GPHN: variants seen among roughly 807,000 people sequenced by gnomAD.
GPHN encodes the protein gephyrin.
In GPHN, 17 loss-of-function variants were observed where a neutral mutation model predicts 95.5. That is an observed-to-expected ratio of 0.18 (90% CI 0.12 to 0.27). The LOEUF is 0.27. Among genes scored for constraint, GPHN ranks in the 10% least tolerant of loss-of-function variants. The pLI is 1.00. For synonymous variants in GPHN, 320 were observed against 322.5 expected (o/e 0.99, Z 0.08); for missense variants, 660 against 978.1 (o/e 0.67, Z 4.34).
the GPHN span, among the ~76,000 whole-genome samples, chr14:67,437,290 G>A: frequency 1.3e-5 from 2 of 152,182 alleles, no homozygotes; most frequent in African/African-American, 4.8e-5. Context: ...AGTGAGCAAA[G>A]TCACAAAATG....
chr14:66,583,927 T>G (rs1358983858), intron 1 of GPHN, among the ~76,000 whole-genome samples: 3 of 151,970 alleles, frequency 2.0e-5, no homozygotes, highest in Non-Finnish European at 4.4e-5. Context: ...GTGAAGAAAG[T>G]CATTGGTAGC....
the GPHN span, among the ~76,000 whole-genome samples, chr14:67,554,243 C>T: frequency 6.6e-6 from 1 of 152,066 alleles, no homozygotes; most frequent in Non-Finnish European, 1.5e-5. Flanking sequence ...GGGTCCTGCT[C>T]ATCTACCTTT....
chr14:66,922,637 T>A (rs745850208), intron 6 of GPHN, 29 bp from the exon 7 acceptor site: 2 of 1,573,696 alleles, frequency 1.3e-6, no homozygotes, highest in Admixed American at 3.6e-5. Context: ...TGCTTCATCT[T>A]AATTTTTTTT....
chr14:67,305,501 G>A, the GPHN span, among the ~76,000 whole-genome samples: 5 of 152,122 alleles, frequency 3.3e-5, no homozygotes, highest in African/African-American at 9.7e-5. Context: ...GGCTAGTCTC[G>A]AACTCCTGAG....
chr14:67,626,915 C>T, the GPHN span, among the ~76,000 whole-genome samples: 1 of 152,118 alleles, frequency 6.6e-6, no homozygotes, highest in African/African-American at 2.4e-5. Context: ...CTAATTTATG[C>T]TACAACATGG....
the GPHN span, chr14:67,473,135 C>T: frequency 2.2e-6 from 1 of 452,284 alleles, no homozygotes; most frequent in Non-Finnish European, 4.1e-6. The surrounding 1 kb of genome is among the most constrained non-coding windows in gnomAD (Gnocchi z 6.5). Flanking sequence ...CTACATAGTC[C>T]ATCGCTGCTC....
At chr14:66,814,545 T>C (rs1016601287) in intron 3 of GPHN, among the ~76,000 whole-genome samples, 5 of 152,192 alleles carry the variant, frequency 3.3e-5, no homozygotes, top group Admixed American at 1.3e-4. Flanking sequence ...GAGCTGAGCA[T>C]TGGCCTCCTA....
the GPHN span, among the ~76,000 whole-genome samples, chr14:67,604,883 T>C: frequency 6.6e-6 from 1 of 152,154 alleles, no homozygotes; most frequent in Non-Finnish European, 1.5e-5. Context: ...TCCCCCCTAA[T>C]TGAGATAGTG....
In GPHN at chr14:66,683,353, T is replaced by TGTTC. The variant is rs1437390066; in HGVS notation, c.143+2168_143+2169insGTTC. Among the ~76,000 whole-genome samples the TGTTC allele has an allele frequency of 5.2e-3, 171 of 33,004 alleles. 23 individuals carry two copies. The East Asian group carries it at 0.086, about 17-fold the overall frequency. 21.7% of individuals were successfully genotyped at this position (33,004 alleles called of 152,430 possible). A position where few individuals can be genotyped will look rare whatever the true frequency, so the allele number is the denominator to read the frequency against. On this transcript the variant is annotated intron_variant, in intron 2 of 22. Transcript: ENST00000478722. ...AAATATATATATATATATATATATA[T>TGTTC]ATATATATATATATATATATATATA... is the stretch of plus-strand genomic sequence containing the variant.
At chr14:66,864,390 A>G (rs2153523079) in intron 4 of GPHN, among the ~76,000 whole-genome samples, 1 of 152,300 alleles carries the variant, frequency 6.6e-6, no homozygotes, top group South Asian at 2.1e-4. Context: ...TACAACCACC[A>G]TGGAGAACAG....
chr14:67,575,809 A>G, the GPHN span: 9 of 1,606,284 alleles, frequency 5.6e-6, no homozygotes, highest in Non-Finnish European at 7.7e-6. Context: ...TTCATGGAAG[A>G]CTGCTGTCCA....
chr14:67,199,094 G>C, the GPHN span: 6 of 1,086,678 alleles, frequency 5.5e-6, no homozygotes, highest in African/African-American at 7.7e-5. Context: ...AGCGGAACCA[G>C]GATGCCACTG....
chr14:67,221,613 T>A, the GPHN span: 1 of 529,966 alleles, frequency 1.9e-6, no homozygotes, highest in Non-Finnish European at 2.4e-6. Context: ...GGTAATTTTA[T>A]TCTCATATGT....
intron 1 of GPHN, among the ~76,000 whole-genome samples, chr14:66,591,382 A>C (rs2061642936): frequency 6.6e-6 from 1 of 152,164 alleles, no homozygotes; most frequent in African/African-American, 2.4e-5. Flanking sequence ...CTTTGCAGAT[A>C]ACATGACTGT....
At chr14:66,706,094 C>A (rs139626297) in intron 2 of GPHN, among the ~76,000 whole-genome samples, 4,939 of 152,168 alleles carry the variant, frequency 0.032, 122 homozygotes, top group Non-Finnish European at 0.052. Flanking sequence ...CCTAGGAATA[C>A]AGCTAACAAG....
At chr14:67,717,965 AT>A in the GPHN span, 1 of 152,196 alleles carries the variant, frequency 6.6e-6, no homozygotes, top group Admixed American at 6.5e-5. Flanking sequence ...CCCTTGAAAA[AT>A]CAACGGAAGT....
At chr14:67,734,880 C>A in the GPHN span, among the ~76,000 whole-genome samples, 15 of 152,190 alleles carry the variant, frequency 9.9e-5, no homozygotes, top group Non-Finnish European at 1.6e-4. Context: ...TTCCTGCCGC[C>A]CTCAGCAAGG....
chr14:66,568,724 C>T (rs2060556658), intron 1 of GPHN, among the ~76,000 whole-genome samples: 1 of 152,048 alleles, frequency 6.6e-6, no homozygotes, highest in Admixed American at 6.5e-5. Context: ...CTTTATGCAT[C>T]ATAATCCCAT....
chr14:67,733,760 C>T, the GPHN span: 5 of 1,612,604 alleles, frequency 3.1e-6, no homozygotes, highest in Admixed American at 8.3e-5. Context: ...TGCAAGAGGA[C>T]CTGGGTGTCT....
Sources: gnomAD v4.1 joint callset for allele counts (sites outside exome capture counted in the v4.1 genomes callset) on GRCh38, gnomAD v4.1.1 for gene constraint, Gnocchi (gnomAD v3.1) non-coding constraint, MANE v1.5 for transcripts, NCBI Gene and HGNC (gene_info 2026-07-23, HGNC 2026-07-21) for gene names.